The following CGNL1 variants were observed in gnomAD, a reference collection of about 807,000 sequenced individuals.
The protein encoded by CGNL1 is cingulin-like protein 1.
CGNL1 carries 132 observed loss-of-function variants against 141.2 expected under a neutral mutation model. The observed-to-expected ratio is 0.93, with a 90% CI of 0.81 to 1.08. The LOEUF is 1.08. Ranked by LOEUF, CGNL1 falls within the 50% of genes least tolerant of loss-of-function variation. The pLI is 0.00. For missense variants in CGNL1, 1,870 were observed against 1,588.6 expected (o/e 1.18, Z -3.01); for synonymous variants, 690 against 622.1 (o/e 1.11, Z -1.63).
chr15:57,377,206 T>C (rs2062373565), intron 1 of CGNL1: 1 of 152,238 alleles, frequency 6.6e-6, no homozygotes, highest in East Asian at 1.9e-4. Context: ...ACAGGATTTT[T>C]GAAACTTTGT....
intron 1 of CGNL1, among the ~76,000 whole-genome samples, chr15:57,411,979 C>T (rs545575888): frequency 2.6e-5 from 4 of 152,176 alleles, no homozygotes; most frequent in Admixed American, 6.5e-5. Context: ...TGTTTGCTGT[C>T]GATTATCTAG....
intron 3 of CGNL1, among the ~76,000 whole-genome samples, chr15:57,441,858 A>G (rs991195334): frequency 2.0e-5 from 3 of 152,132 alleles, no homozygotes. Context: ...AGCCCAGACA[A>G]AGGGCTGCCA....
intron 8 of CGNL1, among the ~76,000 whole-genome samples, chr15:57,489,848 G>C (rs2063834249): frequency 6.6e-6 from 1 of 152,100 alleles, no homozygotes; most frequent in Non-Finnish European, 1.5e-5. Context: ...TAACTATTAA[G>C]TTCAAGTTAG....
chr15:57,441,490 A>G (rs2063186936), intron 3 of CGNL1, among the ~76,000 whole-genome samples: 1 of 151,866 alleles, frequency 6.6e-6, no homozygotes, highest in African/African-American at 2.4e-5. Context: ...TGCCTCAGCC[A>G]CCTGAGTAGC....
chr15:57,464,621 A>G (rs2063486846), intron 8 of CGNL1, among the ~76,000 whole-genome samples: 3 of 151,418 alleles, frequency 2.0e-5, no homozygotes, highest in Admixed American at 2.0e-4. Context: ...GAACTCTAGT[A>G]TTATTCTTTG....
intron 8 of CGNL1, among the ~76,000 whole-genome samples, chr15:57,472,559 A>C (rs1383707113): frequency 6.6e-6 from 1 of 152,178 alleles, no homozygotes; most frequent in African/African-American, 2.4e-5. Flanking sequence ...TGATTCGTTC[A>C]TGCTGACACT....
intron 8 of CGNL1, among the ~76,000 whole-genome samples, chr15:57,497,337 C>T (rs994401432): frequency 2.5e-5 from 3 of 120,012 alleles, no homozygotes; most frequent in African/African-American, 9.6e-5. Context: ...GAACAGGCCT[C>T]GTTAGATTGG....
At chr15:57,493,854 A>C (rs944675597) in intron 8 of CGNL1, among the ~76,000 whole-genome samples, 1 of 152,244 alleles carries the variant, frequency 6.6e-6, no homozygotes. Context: ...TTCAACAAAT[A>C]AAAAGTAGTT....
intron 3 of CGNL1, 49 bp downstream of exon 3, chr15:57,440,520 G>A (rs1268675053): frequency 1.5e-6 from 2 of 1,377,698 alleles, no homozygotes; most frequent in African/African-American, 1.4e-5. Context: ...TTTCTGGTGG[G>A]ACTCTTAATT....
rs2063147099 is a variant in CGNL1, at chr15:57,439,026, C to T, written c.1027C>T (p.Arg343Trp). The change falls in exon 2 of 19, where the codon CGG becomes TGG. Residue 343 changes from arginine (R) to tryptophan (W), a missense_variant. By Grantham distance (101) the Arg-to-Trp change is moderately radical (BLOSUM62 -3). Coordinates refer to ENST00000281282, the MANE Select transcript of CGNL1 (RefSeq NM_032866.5). ...TATTCCCTTCCTGCCAGGAACTGGA[C>T]GGGATATTGATACAGGATCAATTCC... The part of the protein sequence containing the change: ...RYIPFLPGTG[R>W]DIDTGSIPGV... The T allele has an allele frequency of 6.2e-7, 1 of 1,614,082 alleles. No homozygotes were observed. Among genetic ancestry groups the T allele is most frequent in the South Asian group, 1.1e-5 (1 of 91,078 alleles).
chr15:57,452,173 G>A lies in CGNL1; in HGVS notation c.1938G>A (p.Arg646=). Reference sequence around the variant, plus strand: ...AGAACATTAAAGAAGAGAGAGAGAGGATGAGAGCAAACCTAGAAGAGCTCC... The same window carrying A: ...AGAACATTAAAGAAGAGAGAGAGAGAATGAGAGCAAACCTAGAAGAGCTCC... ...NQQNIKEERE[R]MRANLEELRS... The change falls in exon 6 of 19, where the codon AGG becomes AGA. Residue 646 remains arginine (R), a synonymous_variant. Coordinates refer to ENST00000281282, the MANE Select transcript of CGNL1 (RefSeq NM_032866.5). 1 of 1,613,616 alleles carries A rather than the reference G, an allele frequency of 6.2e-7. No homozygotes were observed. The highest frequency in any genetic ancestry group is 8.5e-7 in the Non-Finnish European group (1 of 1,179,808).
At chr15:57,519,934 C>T (rs1466210364) in intron 10 of CGNL1, among the ~76,000 whole-genome samples, 4 of 152,214 alleles carry the variant, frequency 2.6e-5, no homozygotes, top group Non-Finnish European at 4.4e-5. Flanking sequence ...TATCTGCGCT[C>T]ATAGTGAATT....
intron 1 of CGNL1, among the ~76,000 whole-genome samples, chr15:57,426,394 C>T (rs927701065): frequency 6.6e-6 from 1 of 151,838 alleles, no homozygotes; most frequent in African/African-American, 2.4e-5. Context: ...ATCCACCTGC[C>T]TAGGCCTCCC....
chr15:57,453,535 G>T (rs1829991166), intron 6 of CGNL1, 148 bp from the exon 7 acceptor site: 1 of 937,402 alleles, frequency 1.1e-6, no homozygotes, highest in South Asian at 2.0e-5. Context: ...TTTCAGGTTG[G>T]TGATCCCTTG....
chr15:57,543,893 A>C (rs1474158338), intron 15 of CGNL1, 114 bp downstream of exon 15: 1 of 710,396 alleles, frequency 1.4e-6, no homozygotes, highest in East Asian at 2.7e-5. Flanking sequence ...CATCCCAAGA[A>C]CTCTGGGGGG....
At position 57,500,656 on chromosome 15, in the gene CGNL1, G is replaced by GAA. The variant is rs11459995; in HGVS notation, c.2404-16117_2404-16116dup. Among the ~76,000 whole-genome samples the GAA allele has an allele frequency of 1.6e-4, 25 of 151,814 alleles. No homozygotes were observed. The East Asian group carries it at 1.7e-3, about 11-fold the overall frequency. ...TGTGGATTGAGAATGAAGACTTTGG[G>GAA]AAAAAAAAGCGTGGAGCGTTCAGTT... is the stretch of plus-strand genomic sequence containing the variant. On this transcript the variant is annotated intron_variant, in intron 8 of 18. Coordinates refer to ENST00000281282, the MANE Select transcript of CGNL1 (RefSeq NM_032866.5).
intron 1 of CGNL1, among the ~76,000 whole-genome samples, chr15:57,378,175 G>A (rs1434890280): frequency 6.6e-6 from 1 of 151,958 alleles, no homozygotes; most frequent in East Asian, 1.9e-4. Context: ...GGCTAAATTA[G>A]GTCATATATT....
Position 57,524,634 on chromosome 15 carries a change from G to C in CGNL1, c.2922G>C (p.Gln974His). 6.2e-7 allele frequency: 1 copy of C among 1,614,124 alleles called. No homozygotes were observed. The highest frequency in any genetic ancestry group is 8.5e-7 in the Non-Finnish European group (1 of 1,179,970). ...CCTCAACCCTGGAGCTCCAGAACCA[G>C]CTGGATGAGTATAAGGAGAAAAACC... ...SRTSTLELQN[Q>H]LDEYKEKNRR... Residue 974 changes from glutamine (Q) to histidine (H), a missense_variant, in exon 12 of 19, where the codon CAG (glutamine) becomes CAC (histidine). Coordinates refer to ENST00000281282, the MANE Select transcript of CGNL1 (RefSeq NM_032866.5).
At chr15:57,433,553 G>C (rs776266995) in intron 1 of CGNL1, among the ~76,000 whole-genome samples, 2 of 152,222 alleles carry the variant, frequency 1.3e-5, no homozygotes, top group African/African-American at 4.8e-5. Context: ...CAGAACCACA[G>C]AGAGGCTCAG....
Sources: gnomAD v4.1 joint callset for allele counts (sites outside exome capture counted in the v4.1 genomes callset) on GRCh38, gnomAD v4.1.1 for gene constraint, MANE v1.5 for transcripts, NCBI Gene and HGNC (gene_info 2026-07-23, HGNC 2026-07-21) for gene names.